Variants in PARD3 observed in about 807,000 individuals in gnomAD.
PARD3 encodes the protein partitioning defective 3 homolog.
Under a neutral mutation model 155.4 loss-of-function variants are expected in PARD3, and 75 were observed. That is an observed-to-expected ratio of 0.48 (90% confidence interval 0.40 to 0.58). The LOEUF is 0.58. Ranked by LOEUF, PARD3 falls within the 20% of genes least tolerant of loss-of-function variation. PARD3 has a pLI of 0.00. For missense variants in PARD3, 1,642 were observed against 1,721.7 expected (o/e 0.95, Z 0.82); for synonymous variants, 576 against 610.5 (o/e 0.94, Z 0.83).
intron 1 of PARD3, among the ~76,000 whole-genome samples, chr10:34,749,841 T>G (rs1282792042): frequency 6.6e-6 from 1 of 151,980 alleles, no homozygotes; most frequent in South Asian, 2.1e-4. Context: ...CGCAACATGG[T>G]GAAACCCCAT....
intron 14 of PARD3, among the ~76,000 whole-genome samples, chr10:34,352,066 G>A (rs1398512566): frequency 1.3e-5 from 2 of 152,134 alleles, no homozygotes. Flanking sequence ...CTCACCTGGC[G>A]ATATTCTCTA....
At chr10:34,302,278 T>C (rs1180701727) in intron 20 of PARD3, among the ~76,000 whole-genome samples, 2 of 152,172 alleles carry the variant, frequency 1.3e-5, no homozygotes, top group African/African-American at 2.4e-5. Flanking sequence ...AAAAAATGAA[T>C]TGCAGAATAT....
At chr10:34,492,137 T>G (rs1398357914) in intron 3 of PARD3, among the ~76,000 whole-genome samples, 3 of 152,226 alleles carry the variant, frequency 2.0e-5, no homozygotes, top group African/African-American at 2.4e-5. Flanking sequence ...TTATTTGATT[T>G]TACAAAATGT....
At chr10:34,364,229 G>A (rs2134540175) in intron 12 of PARD3, among the ~76,000 whole-genome samples, 1 of 152,286 alleles carries the variant, frequency 6.6e-6, no homozygotes, top group Non-Finnish European at 1.5e-5. Context: ...CGAAAATTTG[G>A]ATGAGAATGT....
At chr10:34,504,879 TAAAGG>T (rs1004189608) in intron 3 of PARD3, among the ~76,000 whole-genome samples, 3 of 151,978 alleles carry the variant, frequency 2.0e-5, no homozygotes, top group Non-Finnish European at 4.4e-5. Flanking sequence ...TATCAAGAAG[TAAAGG>T]AGAGATCTAT....
chr10:34,735,294 G>T (rs2094893795), intron 1 of PARD3, among the ~76,000 whole-genome samples: 1 of 152,140 alleles, frequency 6.6e-6, no homozygotes, highest in African/African-American at 2.4e-5. Flanking sequence ...CTGTAGAGAT[G>T]CTATAGCACT....
At chr10:34,312,891 T>A (rs371653589) in intron 20 of PARD3, among the ~76,000 whole-genome samples, 107 of 152,276 alleles carry the variant, frequency 7.0e-4, no homozygotes, top group African/African-American at 2.5e-3. Flanking sequence ...AATATCAAAT[T>A]ACACTTACTC....
intron 2 of PARD3, among the ~76,000 whole-genome samples, chr10:34,694,721 G>A (rs986022908): frequency 1.3e-5 from 2 of 152,032 alleles, no homozygotes; most frequent in African/African-American, 4.8e-5. Context: ...CTGACCCACA[G>A]GAGCCACATG....
intron 22 of PARD3, among the ~76,000 whole-genome samples, chr10:34,262,432 T>A (rs1026723271): frequency 6.6e-6 from 1 of 152,042 alleles, no homozygotes; most frequent in African/African-American, 2.4e-5. Flanking sequence ...CATGCCCGGA[T>A]AATTTTAGTG....
At chr10:34,303,116 C>G (rs1213207251) in intron 20 of PARD3, among the ~76,000 whole-genome samples, 1 of 147,916 alleles carries the variant, frequency 6.8e-6, no homozygotes, top group Non-Finnish European at 1.5e-5. Flanking sequence ...CCATTTTTGC[C>G]AGGTGAAAAA....
At chr10:34,130,600 C>G (rs1947554661) in intron 23 of PARD3, among the ~76,000 whole-genome samples, 1 of 152,186 alleles carries the variant, frequency 6.6e-6, no homozygotes. Context: ...CCAACCCCTC[C>G]ACTCTCAGAA....
chr10:34,267,162 A>G (rs1253533571), intron 22 of PARD3, among the ~76,000 whole-genome samples: 1 of 152,140 alleles, frequency 6.6e-6, no homozygotes, highest in Non-Finnish European at 1.5e-5. Flanking sequence ...CTAACTGACA[A>G]CGCCAGCATT....
intron 22 of PARD3, among the ~76,000 whole-genome samples, chr10:34,148,808 T>A (rs577701516): frequency 2.0e-5 from 3 of 152,292 alleles, no homozygotes; most frequent in East Asian, 1.9e-4. Context: ...ACAATCCCTT[T>A]TATATGTCAA....
chr10:34,752,110 C>T (rs911644978), intron 1 of PARD3, among the ~76,000 whole-genome samples: 7 of 152,066 alleles, frequency 4.6e-5, no homozygotes, highest in Admixed American at 2.6e-4. Context: ...TATTTTCTTA[C>T]AGAATAACAA....
intron 1 of PARD3, among the ~76,000 whole-genome samples, chr10:34,733,102 C>G (rs1347777789): frequency 6.6e-6 from 1 of 152,202 alleles, no homozygotes; most frequent in Non-Finnish European, 1.5e-5. Context: ...ACAAGAAGCT[C>G]ACCTCTATCA....
intron 22 of PARD3, among the ~76,000 whole-genome samples, chr10:34,241,731 G>C (rs960509343): frequency 6.6e-6 from 1 of 152,112 alleles, no homozygotes; most frequent in Non-Finnish European, 1.5e-5. Context: ...GGAGTAATAG[G>C]GAGGACATGG....
rs886458450 is a variant in PARD3, at chr10:34,165,186, T to C, written c.3420-33603A>G. 3.3e-5 allele frequency among the ~76,000 whole-genome samples: 5 copies of C among 152,316 alleles called. No homozygotes were observed. In the South Asian group the frequency reaches 1.0e-3, roughly 32 times the overall value. ...TCAGACTCATCCTTATAAAACCCTT[T>C]GCACCTCTGAGAATATGAACTAGGT... On this transcript the variant is annotated intron_variant, in intron 22 of 24. Transcript: ENST00000374788.
In PARD3 at chr10:34,355,958, C is replaced by CAAAAAAAAAAAAAAAAAA. The variant is rs1491326864; in HGVS notation, c.2067+3188_2067+3189insTTTTTTTTTTTTTTTTTT. Among the ~76,000 whole-genome samples, 4 of 116,216 alleles carry CAAAAAAAAAAAAAAAAAA rather than the reference C, an allele frequency of 3.4e-5. 1 individual carries two copies. Among genetic ancestry groups the CAAAAAAAAAAAAAAAAAA allele is most frequent in the African/African-American group, 9.2e-5 (2 of 21,678 alleles). The allele number at this position is 116,216 out of a possible 152,430, so 76.2% of individuals were successfully genotyped here. ...AAAAAAAAAAAAAACAAAACAAAAC[C>CAAAAAAAAAAAAAAAAAA]AAACAAAAAAACAGACAACAGACCC... On this transcript the variant is annotated intron_variant, in intron 14 of 24. Coordinates refer to ENST00000374788, the MANE Select transcript of PARD3 (RefSeq NM_001184785.2).
At chr10:34,416,216 C>T (rs1438205121) in intron 5 of PARD3, among the ~76,000 whole-genome samples, 1 of 152,190 alleles carries the variant, frequency 6.6e-6, no homozygotes, top group Non-Finnish European at 1.5e-5. Flanking sequence ...ATAGAGTTTA[C>T]TGGGGAAGGT....
Sources: gnomAD v4.1 joint callset for allele counts (sites outside exome capture counted in the v4.1 genomes callset) on GRCh38, gnomAD v4.1.1 for gene constraint, MANE v1.5 for transcripts, NCBI Gene and HGNC (gene_info 2026-07-23, HGNC 2026-07-21) for gene names.